Variants in ZNF100 observed in about 807,000 individuals in gnomAD.
ZNF100 encodes the protein zinc finger protein 100, also known as zinc finger protein 100 (Y1).
Under a neutral mutation model 15.8 loss-of-function variants are expected in ZNF100, and 12 were observed. The ratio of observed to expected loss-of-function variants is 0.76; its 90% CI spans 0.49 to 1.23. The LOEUF is 1.23. ZNF100 is among the 50% of genes most tolerant of loss of function. ZNF100 has a pLI of 0.00. For synonymous variants in ZNF100, 226 were observed against 214.8 expected (o/e 1.05, Z -0.45); for missense variants, 670 against 635.6 (o/e 1.05, Z -0.58).
At chr19:21,734,884 A>T (rs1400258884) in intron 4 of ZNF100, among the ~76,000 whole-genome samples, 1 of 152,196 alleles carries the variant, frequency 6.6e-6, no homozygotes, top group Non-Finnish European at 1.5e-5. Flanking sequence ...ACAAGCCAGA[A>T]GACATTGGGG....
Position 21,744,129 on chromosome 19 carries a change from A to AAAT in ZNF100, c.224-17_224-15dup. 6.3e-7 allele frequency: 1 copy of AAAT among 1,582,302 alleles called. No homozygotes were observed. The highest frequency in any genetic ancestry group is 1.4e-5 in the African/African-American group (1 of 73,850). On this transcript the variant is annotated splice_polypyrimidine_tract_variant and intron_variant, in intron 3 of 4. Coordinates refer to ENST00000358296, the MANE Select transcript of ZNF100 (RefSeq NM_173531.4). ...GAGCAATACCTGCTTTATTAGAAAT[A>AAAT]AATAACATGAATCTTTCTCATATTC...
intron 2 of ZNF100, among the ~76,000 whole-genome samples, chr19:21,764,255 T>C (rs1019859789): frequency 6.6e-6 from 1 of 152,194 alleles, no homozygotes; most frequent in Non-Finnish European, 1.5e-5. Context: ...CACTTGGTTG[T>C]TGAAATTAAG....
At chr19:21,732,049 G>A (rs542576297) in intron 4 of ZNF100, among the ~76,000 whole-genome samples, 40 of 152,174 alleles carry the variant, frequency 2.6e-4, no homozygotes, top group Non-Finnish European at 4.6e-4. Flanking sequence ...TCAGGAGTTC[G>A]AGACCAGCCT....
In ZNF100 at chr19:21,758,541, G is replaced by C. The variant is rs184077828; in HGVS notation, c.96+7153C>G. ...GGTCCATGCAGGCAGAGAAGATTATGAACAGGTAGTCCAGGACCCTAGGCT... is the reference window on the plus strand; with the variant it reads ...GGTCCATGCAGGCAGAGAAGATTATCAACAGGTAGTCCAGGACCCTAGGCT... On this transcript the variant is annotated intron_variant, in intron 2 of 4. Coordinates refer to ENST00000358296, the MANE Select transcript of ZNF100 (RefSeq NM_173531.4). Among the ~76,000 whole-genome samples the C allele has an allele frequency of 9.8e-4, 149 of 152,308 alleles. 1 individual carries two copies. Among genetic ancestry groups the C allele is most frequent in the African/African-American group, 3.4e-3 (141 of 41,570 alleles).
chr19:21,751,427 CAT>C, intron 2 of ZNF100: 1 of 837,682 alleles, frequency 1.2e-6, no homozygotes, highest in Non-Finnish European at 2.1e-6. Flanking sequence ...CAGATTTGTT[CAT>C]ACTCTTTTTA....
At chr19:21,742,221 C>T (rs1188275282) in intron 4 of ZNF100, among the ~76,000 whole-genome samples, 1 of 150,632 alleles carries the variant, frequency 6.6e-6, no homozygotes, top group East Asian at 2.0e-4. Context: ...TGCTTGAACC[C>T]AGGAGGTGGG....
In ZNF100 at chr19:21,747,227, C is replaced by T. The variant is rs115388178; in HGVS notation, c.97-2160G>A. 7.3e-3 allele frequency among the ~76,000 whole-genome samples: 1,115 copies of T among 152,322 alleles called. 11 individuals are homozygous for T. The highest frequency in any genetic ancestry group is 0.037 in the Middle Eastern group (11 of 294). Reference sequence around the variant, plus strand: ...TAGTGCAAAGGTGGCACTTAACTCTCATGAATGTATCTTGAAGCCCTCATA... The same window carrying T: ...TAGTGCAAAGGTGGCACTTAACTCTTATGAATGTATCTTGAAGCCCTCATA... On this transcript the variant is annotated intron_variant, in intron 2 of 4. Coordinates refer to ENST00000358296, the MANE Select transcript of ZNF100 (RefSeq NM_173531.4).
At chr19:21,753,406 T>A (rs1337658736) in intron 2 of ZNF100, 2 of 152,056 alleles carry the variant, frequency 1.3e-5, no homozygotes, top group Admixed American at 1.3e-4. Context: ...AGCCCCTGTC[T>A]GTAAAAAATA....
In ZNF100 at chr19:21,726,419, A is replaced by T; in HGVS notation, c.*264T>A. 2.4e-6 allele frequency: 1 copy of T among 417,082 alleles called. No individual in the cohort carries two copies. Among genetic ancestry groups the T allele is most frequent in the Non-Finnish European group, 4.2e-6 (1 of 236,212 alleles). 25.8% of individuals were successfully genotyped at this position (417,082 alleles called of 1,614,324 possible). A position where few individuals can be genotyped will look rare whatever the true frequency, so the allele number is the denominator to read the frequency against. The stretch of plus-strand genomic sequence containing the variant: ...CTACAATCAAGTGTGACAACCATTT[A>T]AAACTTTATCACATTCTTCACATTT... On this transcript the variant is annotated 3_prime_UTR_variant, in exon 5 of 5. Coordinates refer to ENST00000358296, the MANE Select transcript of ZNF100 (RefSeq NM_173531.4).
chr19:21,749,187 T>C (rs1458042278), intron 2 of ZNF100, among the ~76,000 whole-genome samples: 2 of 152,186 alleles, frequency 1.3e-5, no homozygotes, highest in Non-Finnish European at 2.9e-5. Context: ...AGTTTATCTT[T>C]TGAGTCACCG....
chr19:21,728,143 A>C (rs997263378), intron 4 of ZNF100, among the ~76,000 whole-genome samples, 154 bp from the exon 5 acceptor site: 2 of 151,810 alleles, frequency 1.3e-5, no homozygotes, highest in African/African-American at 4.8e-5. Flanking sequence ...AAAAAAAAAA[A>C]ACCAACCAAA....
At chr19:21,737,120 A>T (rs2036021491) in intron 4 of ZNF100, among the ~76,000 whole-genome samples, 2 of 152,258 alleles carry the variant, frequency 1.3e-5, no homozygotes, top group South Asian at 4.1e-4. Context: ...TGTTTAAAAA[A>T]AATAAAATAA....
intron 2 of ZNF100, among the ~76,000 whole-genome samples, chr19:21,758,449 CAGTGTA>C (rs1273150987): frequency 6.6e-6 from 1 of 152,160 alleles, no homozygotes; most frequent in Non-Finnish European, 1.5e-5. Context: ...GGGAAGAATG[CAGTGTA>C]AGTGGATTGT....
intron 2 of ZNF100, chr19:21,751,096 C>T: frequency 7.0e-7 from 1 of 1,434,832 alleles, no homozygotes; most frequent in Non-Finnish European, 9.8e-7. Context: ...TTCTGACCAT[C>T]CAAGGGCAAG....
chr19:21,736,738 T>C (rs184678355), intron 4 of ZNF100, among the ~76,000 whole-genome samples: 2 of 152,290 alleles, frequency 1.3e-5, no homozygotes, highest in East Asian at 3.9e-4. Context: ...AGAGTAAGAA[T>C]CTCACTCAAA....
At chr19:21,761,437 G>T (rs535456081) in intron 2 of ZNF100, among the ~76,000 whole-genome samples, 1 of 152,272 alleles carries the variant, frequency 6.6e-6, no homozygotes, top group Non-Finnish European at 1.5e-5. Flanking sequence ...TTGCTTTAAT[G>T]AACTAAACTT....
chr19:21,751,647 T>C (rs2036308158), intron 2 of ZNF100: 11 of 1,457,986 alleles, frequency 7.5e-6, no homozygotes, highest in South Asian at 3.5e-5. Flanking sequence ...GTTGAGGACA[T>C]GAATGAAATG....
rs754247948 is a variant in ZNF100 at position 21,727,464 on chromosome 19, T to C, written c.848A>G (p.His283Arg). 2 of 1,613,416 alleles carry C rather than the reference T, an allele frequency of 1.2e-6. No homozygotes were observed. The highest frequency in any genetic ancestry group is 1.7e-6 in the Non-Finnish European group (2 of 1,179,790). The change falls in exon 5 of 5, where the codon CAT becomes CGT. Residue 283 changes from histidine to arginine, a missense_variant. Transcript: ENST00000358296. ...SSHLTTHKII[H>R]TGEKPYRCEE... ...ACATCTGTATGGTTTCTCTCCAGTA[T>C]GAATTATCTTATGTGTAGTAAGGTG... is the stretch of plus-strand genomic sequence containing the variant.
In ZNF100 at chr19:21,726,995, A is replaced by T. The variant is rs879149939; in HGVS notation, c.1317T>A (p.Asn439Lys). ...TATGGGTAGTAAGGTTTGAGGACTCATTAAAAGCTTTGCCACATTCTTCAC... is the reference window on the plus strand; with the variant it reads ...TATGGGTAGTAAGGTTTGAGGACTCTTTAAAAGCTTTGCCACATTCTTCAC... ...YKCEECGKAF[N>K]ESSNLTTHKM... is the part of the protein sequence containing the mutation. Residue 439 changes from asparagine (N) to lysine (K), a missense_variant, in exon 5 of 5, where the codon AAT becomes AAA. Physicochemically the swap from Asn to Lys is moderately conservative, Grantham distance 94 (BLOSUM62 0). Coordinates refer to ENST00000358296, the MANE Select transcript of ZNF100 (RefSeq NM_173531.4). 2 of 1,607,948 alleles carry T rather than the reference A, an allele frequency of 1.2e-6. No individual in the cohort carries two copies. The highest frequency in any genetic ancestry group is 2.7e-5 in the African/African-American group (2 of 73,206).
Sources: allele counts gnomAD v4.1 joint callset (sites outside exome capture counted in the v4.1 genomes callset), GRCh38; gene constraint gnomAD v4.1.1; transcripts MANE v1.5; gene names NCBI Gene and HGNC (gene_info 2026-07-23, HGNC 2026-07-21).